The following SRD5A2 variants were observed in gnomAD, a reference collection of about 807,000 sequenced individuals.
SRD5A2 encodes steroid 5 alpha-reductase 2, also known as 3-oxo-5-alpha-steroid 4-dehydrogenase 2.
A neutral mutation model predicts 27.4 loss-of-function variants in SRD5A2; 30 were observed. The observed-to-expected ratio is 1.10, with a 90% confidence interval of 0.82 to 1.49. SRD5A2 has a LOEUF of 1.49. Ranked by LOEUF, SRD5A2 falls within the 40% of genes most tolerant of loss-of-function variation. The pLI is 0.00. For missense variants in SRD5A2, 348 were observed against 323.4 expected (o/e 1.08, Z -0.58); for synonymous variants, 141 against 133.6 (o/e 1.06, Z -0.38).
chr2:31,639,326 TGATA>T, the SRD5A2 span, among the ~76,000 whole-genome samples: 1 of 152,134 alleles, frequency 6.6e-6, no homozygotes, highest in Non-Finnish European at 1.5e-5. Flanking sequence ...TTATTGTTTT[TGATA>T]GATTAATCTT....
the SRD5A2 span, among the ~76,000 whole-genome samples, chr2:31,632,773 C>A: frequency 5.3e-5 from 8 of 152,230 alleles, no homozygotes; most frequent in South Asian, 2.1e-4. Flanking sequence ...TACCTGAAAA[C>A]CCCACTCCTC....
the SRD5A2 span, among the ~76,000 whole-genome samples, chr2:31,637,751 CT>C: frequency 3.3e-5 from 5 of 152,052 alleles, no homozygotes; most frequent in African/African-American, 1.2e-4. Context: ...CCCTCCCAAG[CT>C]GAGCCCCAGT....
chr2:31,548,243 C>A (rs1354122964), intron 1 of SRD5A2, among the ~76,000 whole-genome samples: 1 of 152,034 alleles, frequency 6.6e-6, no homozygotes, highest in East Asian at 1.9e-4. Flanking sequence ...AACAGAAAAA[C>A]TGAACTTCAT....
At chr2:31,611,764 A>C in the SRD5A2 span, among the ~76,000 whole-genome samples, 1 of 152,178 alleles carries the variant, frequency 6.6e-6, no homozygotes, top group African/African-American at 2.4e-5. Context: ...TTTTTTATAC[A>C]GTTAAATAGA....
the SRD5A2 span, among the ~76,000 whole-genome samples, chr2:31,650,185 A>T: frequency 6.6e-6 from 1 of 151,914 alleles, no homozygotes; most frequent in Non-Finnish European, 1.5e-5. Flanking sequence ...GCAGACATAG[A>T]CCTCCCACAA....
At chr2:31,630,378 G>GA in the SRD5A2 span, among the ~76,000 whole-genome samples, 2 of 152,128 alleles carry the variant, frequency 1.3e-5, no homozygotes, top group Non-Finnish European at 2.9e-5. Flanking sequence ...AAGTAGTAAA[G>GA]AAAAAACAGT....
the SRD5A2 span, among the ~76,000 whole-genome samples, chr2:31,632,266 T>A: frequency 3.3e-4 from 50 of 152,164 alleles, 2 homozygotes; most frequent in Admixed American, 3.3e-3. Flanking sequence ...GTCATGGCCC[T>A]CAGGCAAGTG....
At chr2:31,527,590 C>T (rs371885584) in intron 4 of SRD5A2, 2 of 152,208 alleles carry the variant, frequency 1.3e-5, no homozygotes, top group South Asian at 4.1e-4. Context: ...CCTCCCCTAA[C>T]CAAGCACAGT....
At chr2:31,582,981 G>C (rs539061885), upstream of SRD5A2, among the ~76,000 whole-genome samples, 6 of 151,812 alleles carry the variant, frequency 4.0e-5, no homozygotes, top group African/African-American at 1.2e-4. Flanking sequence ...CTTTTCTTCC[G>C]ACTCTGCCCA....
At chr2:31,598,530 TAG>T in the SRD5A2 span, among the ~76,000 whole-genome samples, 2 of 152,044 alleles carry the variant, frequency 1.3e-5, no homozygotes, top group African/African-American at 2.4e-5. Context: ...AAATAACACA[TAG>T]AGTTTCTATT....
chr2:31,603,156 C>A, the SRD5A2 span, among the ~76,000 whole-genome samples: 3 of 152,006 alleles, frequency 2.0e-5, no homozygotes, highest in Non-Finnish European at 4.4e-5. Flanking sequence ...AAAATTTTTT[C>A]AATCTATCCA....
In SRD5A2 at chr2:31,580,651, G is replaced by T. The variant is rs369626334; in HGVS notation, c.250C>A (p.Leu84Met). 1.2e-5 allele frequency: 19 copies of T among 1,588,864 alleles called. No homozygotes were observed. In the African/African-American group the frequency reaches 2.4e-4, roughly 20 times the overall value. ...AAGTAATGTAGGCAGAAGAGGCCCA[G>T]AAGTACCGTCCCAGGTGGCCCGAAG... is the stretch of plus-strand genomic sequence containing the variant. ...SLFGPPGTVL[L>M]GLFCLHYFHR... The change falls in exon 1 of 5, where the codon CTG becomes ATG. Residue 84 changes from leucine (L) to methionine (M), a missense_variant. Transcript: ENST00000622030.
At chr2:31,619,819 C>T in the SRD5A2 span, among the ~76,000 whole-genome samples, 1 of 151,880 alleles carries the variant, frequency 6.6e-6, no homozygotes. Context: ...GTTTAAGTTC[C>T]TTATACATGC....
At chr2:31,598,951 T>C in the SRD5A2 span, among the ~76,000 whole-genome samples, 4 of 151,816 alleles carry the variant, frequency 2.6e-5, no homozygotes, top group Non-Finnish European at 5.9e-5. Context: ...CAGACACAAA[T>C]ACATTGAAAA....
intron 1 of SRD5A2, among the ~76,000 whole-genome samples, chr2:31,556,257 G>A (rs750209692): frequency 6.6e-6 from 1 of 152,212 alleles, no homozygotes; most frequent in Non-Finnish European, 1.5e-5. Context: ...CAGGCCAAAT[G>A]TGAAGTCCAC....
intron 1 of SRD5A2, among the ~76,000 whole-genome samples, chr2:31,540,534 A>C (rs1290629938): frequency 6.6e-6 from 1 of 152,220 alleles, no homozygotes; most frequent in East Asian, 1.9e-4. Context: ...AAATAAAGGA[A>C]GGTAGGGAGA....
chr2:31,528,549 C>T (rs1180229113), intron 4 of SRD5A2, among the ~76,000 whole-genome samples: 1 of 152,142 alleles, frequency 6.6e-6, no homozygotes, highest in Non-Finnish European at 1.5e-5. Context: ...AGGCAGATCA[C>T]TTGAGGTCAG....
At chr2:31,586,855 A>G in the SRD5A2 span, among the ~76,000 whole-genome samples, 2,801 of 152,332 alleles carry the variant, frequency 0.018, 55 homozygotes, top group African/African-American at 0.041. Context: ...ATAATCCAGG[A>G]AAACATGACT....
the SRD5A2 span, among the ~76,000 whole-genome samples, chr2:31,623,894 A>T: frequency 6.6e-6 from 1 of 152,058 alleles, no homozygotes; most frequent in East Asian, 1.9e-4. Flanking sequence ...TGTTTACATG[A>T]TAAATAACAT....
Sources: gnomAD v4.1 joint callset for allele counts (sites outside exome capture counted in the v4.1 genomes callset) on GRCh38, gnomAD v4.1.1 for gene constraint, MANE v1.5 for transcripts, NCBI Gene and HGNC (gene_info 2026-07-23, HGNC 2026-07-21) for gene names.